ABLIM2: variants seen among roughly 807,000 people sequenced by gnomAD.
ABLIM2 encodes actin binding LIM protein family member 2.
ABLIM2 carries 53 observed loss-of-function variants against 97.7 expected under a neutral mutation model. The observed-to-expected ratio is 0.54, with a 90% CI of 0.44 to 0.68. ABLIM2 has a LOEUF of 0.68. Among genes scored for constraint, ABLIM2 ranks in the 30% least tolerant of loss-of-function variants. The pLI is 0.00. For missense variants in ABLIM2, 835 were observed against 867.2 expected, an observed-to-expected ratio of 0.96 and a Z score of 0.47; for synonymous variants, 361 against 345.8, an observed-to-expected ratio of 1.04 and a Z score of -0.49.
intron 20 of ABLIM2, among the ~76,000 whole-genome samples, chr4:7,977,875 AT>A (rs1296877969): frequency 2.0e-5 from 3 of 152,130 alleles, no homozygotes; most frequent in Non-Finnish European, 2.9e-5. Flanking sequence ...TCCGTGTCAA[AT>A]TTGAAAGCAA....
In ABLIM2 at chr4:7,986,216, T is replaced by C. The variant is rs1743915192; in HGVS notation, c.1681-1323A>G. Reference sequence around the variant, plus strand: ...GACGGTATGCTCAGCCCAGCGGGTCTGTCACAGGGCAAAGTGTTTTCAACG... The same window carrying C: ...GACGGTATGCTCAGCCCAGCGGGTCCGTCACAGGGCAAAGTGTTTTCAACG... On this transcript the variant is annotated intron_variant, in intron 17 of 20. Coordinates refer to ENST00000447017, the MANE Select transcript of ABLIM2 (RefSeq NM_001130083.2). The surrounding 1 kb of genome is among the most constrained non-coding windows in gnomAD (Gnocchi z 4.3). Among the ~76,000 whole-genome samples the C allele has an allele frequency of 6.6e-6, 1 of 152,210 alleles. No homozygotes were observed. The highest frequency in any genetic ancestry group is 1.5e-5 in the Non-Finnish European group (1 of 68,040).
intron 18 of ABLIM2, among the ~76,000 whole-genome samples, 191 bp from the exon 19 acceptor site, chr4:7,983,745 C>T (rs1740951958): frequency 6.8e-6 from 1 of 147,918 alleles, no homozygotes; most frequent in Non-Finnish European, 1.5e-5. Flanking sequence ...CTGAGGGCCT[C>T]CCCCGGGAAA....
At chr4:8,040,723 C>T (rs891390540) in intron 9 of ABLIM2, among the ~76,000 whole-genome samples, 1 of 152,204 alleles carries the variant, frequency 6.6e-6, no homozygotes, top group Non-Finnish European at 1.5e-5. Context: ...GCAGTGCCCA[C>T]TCATGTGGCA....
intron 1 of ABLIM2, among the ~76,000 whole-genome samples, chr4:8,121,478 T>A (rs752380928): frequency 6.6e-6 from 1 of 152,194 alleles, no homozygotes; most frequent in Non-Finnish European, 1.5e-5. Context: ...GAGGAGCTCA[T>A]GGGAGGTGTC....
intron 13 of ABLIM2, 105 bp downstream of exon 13, chr4:8,020,097 G>T: frequency 9.7e-7 from 1 of 1,030,906 alleles, no homozygotes; most frequent in Non-Finnish European, 1.4e-6. Flanking sequence ...CTGGAGTGTC[G>T]TCTGGCGCCT....
intron 17 of ABLIM2, among the ~76,000 whole-genome samples, chr4:7,985,133 T>C (rs7677869): frequency 0.64 from 97,793 of 152,146 alleles, 31,607 homozygotes; most frequent in African/African-American, 0.65. Flanking sequence ...GGATGCCCAC[T>C]GCCTGGGCGG....
chr4:8,014,767 A>G (rs1428348745), intron 14 of ABLIM2, among the ~76,000 whole-genome samples: 1 of 152,190 alleles, frequency 6.6e-6, no homozygotes, highest in African/African-American at 2.4e-5. Flanking sequence ...TTGAGTCAGA[A>G]TAAGAACCTC....
At chr4:8,131,610 G>A (rs1220518878) in intron 1 of ABLIM2, among the ~76,000 whole-genome samples, 1 of 152,024 alleles carries the variant, frequency 6.6e-6, no homozygotes, top group Non-Finnish European at 1.5e-5. Flanking sequence ...CTGCTGGCCT[G>A]GGCACAGAAG....
At chr4:8,086,623 G>T (rs763387276) in intron 4 of ABLIM2, among the ~76,000 whole-genome samples, 22 of 152,090 alleles carry the variant, frequency 1.4e-4, no homozygotes, top group Non-Finnish European at 2.9e-4. Context: ...GGGATTACAG[G>T]CATGAGCCAC....
intron 3 of ABLIM2, among the ~76,000 whole-genome samples, chr4:8,089,247 G>A (rs925317791): frequency 6.6e-6 from 1 of 152,180 alleles, no homozygotes; most frequent in African/African-American, 2.4e-5. Flanking sequence ...CATCTAGCAA[G>A]CTAAGGCCAG....
At chr4:8,116,438 C>T (rs991603281) in intron 1 of ABLIM2, among the ~76,000 whole-genome samples, 1 of 152,202 alleles carries the variant, frequency 6.6e-6, no homozygotes, top group Non-Finnish European at 1.5e-5. Flanking sequence ...CACACATGGG[C>T]TTACACAAGA....
chr4:8,135,900 T>G (rs548072561), intron 1 of ABLIM2, among the ~76,000 whole-genome samples: 1 of 152,266 alleles, frequency 6.6e-6, no homozygotes, highest in East Asian at 1.9e-4. Flanking sequence ...AAGCAGCTCG[T>G]GGAAAGTGCT....
chr4:8,010,735 C>T (rs1018773532), intron 14 of ABLIM2: 12 of 383,038 alleles, frequency 3.1e-5, no homozygotes, highest in Non-Finnish European at 3.6e-5. Context: ...GCTCAAGAAG[C>T]GCTTAATGGA....
At chr4:8,080,012 C>T (rs1818762859) in intron 5 of ABLIM2, among the ~76,000 whole-genome samples, 1 of 152,214 alleles carries the variant, frequency 6.6e-6, no homozygotes, top group South Asian at 2.1e-4. Context: ...GCCTCAGGTC[C>T]CCAATCCCCC....
At chr4:8,144,909 T>A (rs1184409548) in intron 1 of ABLIM2, among the ~76,000 whole-genome samples, 1 of 152,178 alleles carries the variant, frequency 6.6e-6, no homozygotes, top group Non-Finnish European at 1.5e-5. Flanking sequence ...CCTATTGGCC[T>A]GAGAATTTGA....
intron 9 of ABLIM2, among the ~76,000 whole-genome samples, chr4:8,038,035 G>T (rs1785682012): frequency 6.6e-6 from 1 of 152,290 alleles, no homozygotes; most frequent in Admixed American, 6.5e-5. Context: ...GCATTTTCCA[G>T]CCACAGGTGA....
rs12504332 is a variant in ABLIM2, at chr4:8,061,248, G to T, written c.676-194C>A. On this transcript the variant is annotated intron_variant, in intron 6 of 20. Coordinates refer to ENST00000447017, the MANE Select transcript of ABLIM2 (RefSeq NM_001130083.2). This position sits in a 1 kb window ranked among gnomAD's most constrained non-coding sequence, Gnocchi z 4.5. ...GGGGTGCCCCCGGGCTGTCCAAGGC[G>T]CCCTGTGGGGAGGCAGGGGGAGACC... Among the ~76,000 whole-genome samples, 3 of 151,816 alleles carry T rather than the reference G, an allele frequency of 2.0e-5. No individual in the cohort carries two copies. The South Asian group carries it at 6.2e-4, about 31-fold the overall frequency.
intron 6 of ABLIM2, chr4:8,066,475 G>A (rs962288866): frequency 1.3e-5 from 2 of 152,020 alleles, no homozygotes; most frequent in Admixed American, 6.6e-5. Context: ...GTTCACAGAA[G>A]CATTCTATAT....
chr4:8,143,423 C>A (rs894703442), intron 1 of ABLIM2, among the ~76,000 whole-genome samples: 6 of 152,134 alleles, frequency 3.9e-5, no homozygotes, highest in African/African-American at 1.2e-4. Flanking sequence ...TGGAGCCCTG[C>A]ACCCTGCACC....
Sources: gnomAD v4.1 joint callset for allele counts (sites outside exome capture counted in the v4.1 genomes callset) on GRCh38, gnomAD v4.1.1 for gene constraint, Gnocchi (gnomAD v3.1) non-coding constraint, MANE v1.5 for transcripts, NCBI Gene and HGNC (gene_info 2026-07-23, HGNC 2026-07-21) for gene names.